The following SAMD11 variants were observed in gnomAD, a reference collection of about 807,000 sequenced individuals.
SAMD11 encodes sterile alpha motif domain-containing protein 11.
In SAMD11, 77 loss-of-function variants were observed where a neutral mutation model predicts 64.4. The observed-to-expected ratio is 1.20, with a 90% CI of 0.99 to 1.44. The LOEUF (loss-of-function observed/expected upper bound fraction) is 1.44, where lower values mean the gene tolerates loss of function less well. Ranked by LOEUF, SAMD11 falls within the 40% of genes most tolerant of loss-of-function variation. The pLI is 0.00. For missense variants in SAMD11, 1,402 were observed against 943.3 expected, an observed-to-expected ratio of 1.49 and a Z score of -6.37; for synonymous variants, 658 against 421.9, an observed-to-expected ratio of 1.56 and a Z score of -6.86.
intron 2 of SAMD11, among the ~76,000 whole-genome samples, chr1:927,944 G>T (rs968718248): frequency 6.6e-6 from 1 of 152,272 alleles, no homozygotes; most frequent in Non-Finnish European, 1.5e-5. Flanking sequence ...CCGACTCTGC[G>T]CATCACGGGG....
At chr1:943,664 C>T (rs753089208) in intron 12 of SAMD11, 34 bp from the exon 13 acceptor site, 26 of 1,505,822 alleles carry the variant, frequency 1.7e-5, no homozygotes, top group Middle Eastern at 2.5e-4. Flanking sequence ...GGAGCAGCAC[C>T]CGGGTCCTGA....
chr1:938,542 G>A (rs778183491), intron 5 of SAMD11, among the ~76,000 whole-genome samples: 56 of 152,160 alleles, frequency 3.7e-4, no homozygotes, highest in Non-Finnish European at 7.1e-4. Context: ...GAGGCGCCTC[G>A]AGGCGGCCTG....
At chr1:943,220 G>A (rs1434367221) in intron 11 of SAMD11, 33 bp from the exon 12 acceptor site, 1 of 1,611,842 alleles carries the variant, frequency 6.2e-7, no homozygotes, top group Admixed American at 1.7e-5. Flanking sequence ...GGGAAAGCCA[G>A]CCAGAGCCCT....
At chr1:939,451 C>G (rs1202939192) in intron 7 of SAMD11, 39 bp downstream of exon 7, 2 of 1,600,062 alleles carry the variant, frequency 1.2e-6, no homozygotes, top group Non-Finnish European at 1.7e-6. Flanking sequence ...TCATCACCTC[C>G]CCAGCCACGG....
chr1:930,916 ACTGCCCAGGGCT>A, intron 3 of SAMD11, 111 bp from the exon 4 acceptor site: 1 of 940,302 alleles, frequency 1.1e-6, no homozygotes, highest in Non-Finnish European at 1.7e-6. Flanking sequence ...GCCCTCGTTC[ACTGCCCAGGGCT>A]GTGGCCCAGC....
chr1:930,946 T>A, intron 3 of SAMD11, 93 bp from the exon 4 acceptor site: 1 of 1,283,668 alleles, frequency 7.8e-7, no homozygotes, highest in Non-Finnish European at 1.1e-6. Flanking sequence ...AGCGGGGCAC[T>A]GACCCGAGAC....
chr1:942,050 T>C lies in SAMD11; in HGVS notation c.1359-86T>C. ...CATCGACCGCCCGCGGGGCCGGCAA[T>C]TAGCGGAGGCGGCGGGGGAGGGGCG... On this transcript the variant is annotated intron_variant, in intron 8 of 13. Coordinates refer to ENST00000616016, the MANE Select transcript of SAMD11 (RefSeq NM_001385641.1). 8 of 451,456 alleles carry C rather than the reference T, an allele frequency of 1.8e-5. No individual in the cohort carries two copies. The East Asian group carries it at 2.9e-4, about 16-fold the overall frequency. The allele number at this position is 451,456 out of a possible 1,614,324, so 28.0% of individuals were successfully genotyped here. A position where few individuals can be genotyped will look rare whatever the true frequency, so the allele number is the denominator to read the frequency against.
chr1:942,535 G>A (rs746089227), intron 10 of SAMD11, 24 bp from the exon 11 acceptor site: 14 of 1,414,112 alleles, frequency 9.9e-6, no homozygotes, highest in Non-Finnish European at 1.3e-5. Flanking sequence ...GGAGGCGGCT[G>A]ACCCGCGTCT....
intron 5 of SAMD11, 137 bp from the exon 6 acceptor site, chr1:938,903 G>A (rs896492350): frequency 1.2e-5 from 9 of 753,112 alleles, no homozygotes; most frequent in Non-Finnish European, 2.1e-5. Flanking sequence ...GGCTGCCAGG[G>A]CTGGGCAAGG....
At position 940,296 on chromosome 1, in the gene SAMD11, G is replaced by GCCCCCCCCCCCCCCCCCC. The variant is rs552305601; in HGVS notation, c.1196-836_1196-835insCCCCCCCCCCCCCCCCCC. On this transcript the variant is annotated intron_variant, in intron 7 of 13. Coordinates refer to ENST00000616016, the MANE Select transcript of SAMD11 (RefSeq NM_001385641.1). ...GCGCTGTCAATCAGGCCGCGCCGCC[G>GCCCCCCCCCCCCCCCCCC]CCCCCCCCCCCCGCCCCGCCGCGGA... The GCCCCCCCCCCCCCCCCCC allele has an allele frequency of 1.4e-4, 19 of 131,470 alleles. 2 individuals carry two copies. Among genetic ancestry groups the GCCCCCCCCCCCCCCCCCC allele is most frequent in the Admixed American group, 5.6e-4 (7 of 12,466 alleles). 8.1% of individuals were successfully genotyped at this position (131,470 alleles called of 1,614,324 possible). A position where few individuals can be genotyped will look rare whatever the true frequency, so the allele number is the denominator to read the frequency against.
intron 7 of SAMD11, among the ~76,000 whole-genome samples, chr1:940,795 C>T (rs1641717663): frequency 1.3e-5 from 2 of 152,228 alleles, no homozygotes; most frequent in South Asian, 2.1e-4. Flanking sequence ...CGGTCAGCCC[C>T]TGGCTGGCAC....
In SAMD11 at chr1:944,090, G is replaced by A. The variant is rs575654453; in HGVS notation, c.2472G>A (p.Lys824=). Residue 824 remains lysine, a synonymous_variant, in exon 14 of 14, where the codon AAG becomes AAA. Transcript: ENST00000616016. The part of the protein sequence containing the change: ...GHALAGQTSP[K]QENGTLALLP... Reference sequence around the variant, plus strand: ...CCCTTGCCGGTCAAACTTCACCCAAGCAGGAGAATGGGACCTTGGCTCTAC... The same window carrying A: ...CCCTTGCCGGTCAAACTTCACCCAAACAGGAGAATGGGACCTTGGCTCTAC... The A allele has an allele frequency of 4.3e-6, 7 of 1,612,326 alleles. No homozygotes were observed. The highest frequency in any genetic ancestry group is 2.2e-5 in the East Asian group (1 of 44,844).
At chr1:927,461 C>A (rs1408145399) in intron 2 of SAMD11, among the ~76,000 whole-genome samples, 1 of 152,312 alleles carries the variant, frequency 6.6e-6, no homozygotes, top group Non-Finnish European at 1.5e-5. Flanking sequence ...CCTGGGGCTC[C>A]CAGGTCCCTG....
Position 944,440 on chromosome 1 carries a change from C to T in SAMD11, c.*287C>T, listed in dbSNP as rs1176039833. On this transcript the variant is annotated 3_prime_UTR_variant, in exon 14 of 14. Transcript: ENST00000616016. ...ACTGGGACTGGTCTCGGTCTGCTGA[C>T]GTCAGGGTCAGCTCCCCCGCGGAGC... 75 of 976,494 alleles carry T rather than the reference C, an allele frequency of 7.7e-5. No individual in the cohort carries two copies. The highest frequency in any genetic ancestry group is 4.4e-4 in the Admixed American group (12 of 27,266). The allele number at this position is 976,494 out of a possible 1,614,324, so 60.5% of individuals were successfully genotyped here. A position where few individuals can be genotyped will look rare whatever the true frequency, so the allele number is the denominator to read the frequency against.
At chr1:943,879 A>C (rs2100367593) in intron 13 of SAMD11, 29 bp from the exon 14 acceptor site, 1 of 1,612,910 alleles carries the variant, frequency 6.2e-7, no homozygotes, top group Non-Finnish European at 8.5e-7. Flanking sequence ...TGGGTGTGCG[A>C]CAGCCCCCAC....
chr1:941,508 C>T (rs956939718), intron 8 of SAMD11, among the ~76,000 whole-genome samples: 1 of 151,888 alleles, frequency 6.6e-6, no homozygotes, highest in African/African-American at 2.4e-5. Context: ...AGGCTGAGGC[C>T]CATCAGGGGG....
Position 939,374 on chromosome 1 carries a change from A to G in SAMD11, c.1157A>G (p.Asp386Gly), listed in dbSNP as rs1305887367. 2 of 1,603,062 alleles carry G rather than the reference A, an allele frequency of 1.2e-6. No individual in the cohort carries two copies. Among genetic ancestry groups the G allele is most frequent in the Non-Finnish European group, 8.5e-7 (1 of 1,179,046 alleles). The change falls in exon 7 of 14, where the codon GAC (aspartate) becomes GGC (glycine). Residue 386 changes from aspartate (D) to glycine (G), a missense_variant. Physicochemically the swap from Asp to Gly is moderately conservative, Grantham distance 94. Transcript: ENST00000616016. ...SALSEASTFE[D>G]PQRLYHLGLP... ...CTGAGCGAGGCCAGCACCTTTGAGGACCCTCAGCGCCTCTACCACCTGGGC... is the reference window on the plus strand; with the variant it reads ...CTGAGCGAGGCCAGCACCTTTGAGGGCCCTCAGCGCCTCTACCACCTGGGC...
intron 4 of SAMD11, 82 bp downstream of exon 4, chr1:931,171 G>T: frequency 8.2e-7 from 1 of 1,226,172 alleles, no homozygotes. Flanking sequence ...CCTGCTGTCT[G>T]CTGTCCGCTG....
At chr1:926,960 G>C (rs1640922420) in intron 2 of SAMD11, among the ~76,000 whole-genome samples, 1 of 152,176 alleles carries the variant, frequency 6.6e-6, no homozygotes. Flanking sequence ...AGGTAGGATG[G>C]GGGAGGGGAT....
Sources: allele counts gnomAD v4.1 joint callset (sites outside exome capture counted in the v4.1 genomes callset), GRCh38; gene constraint gnomAD v4.1.1; transcripts MANE v1.5; gene names NCBI Gene and HGNC (gene_info 2026-07-23, HGNC 2026-07-21).